ZNF8: variants seen among roughly 807,000 people sequenced by gnomAD.
The protein encoded by ZNF8 is zinc finger protein 272.
In ZNF8, 9 loss-of-function variants were observed where a neutral mutation model predicts 12.2. That is an observed-to-expected ratio of 0.73 (90% CI 0.44 to 1.28). The LOEUF is 1.28. ZNF8 is among the 50% of genes most tolerant of loss of function. The pLI, the probability that ZNF8 is intolerant of heterozygous loss-of-function variation, is 0.00. For synonymous variants in ZNF8, 274 were observed against 282.3 expected (o/e 0.97, Z 0.30); for missense variants, 664 against 729.1 (o/e 0.91, Z 1.03).
Position 58,294,279 on chromosome 19 carries a change from G to A in ZNF8, c.471G>A (p.Lys157=), listed in dbSNP as rs1372808342. 2.5e-6 allele frequency: 4 copies of A among 1,614,094 alleles called. No homozygotes were observed. The part of the protein sequence containing the change: ...SLALKEQNNL[K]QLEFGLKEAP... ...CACTCAAGGAGCAGAATAACTTGAA[G>A]CAGTTGGAATTTGGCCTCAAGGAAG... The change falls in exon 4 of 4, where the codon AAG becomes AAA. Residue 157 remains lysine, a synonymous_variant. Coordinates refer to ENST00000621650, the MANE Select transcript of ZNF8 (RefSeq NM_021089.3). This position sits in a 1 kb window ranked among gnomAD's most constrained non-coding sequence, Gnocchi z 5.5.
Position 58,288,114 on chromosome 19 carries a change from C to G in ZNF8, c.289+1909C>G, listed in dbSNP as rs138612452. Among the ~76,000 whole-genome samples the G allele has an allele frequency of 2.9e-3, 434 of 151,776 alleles. 4 individuals are homozygous for G. Among genetic ancestry groups the G allele is most frequent in the African/African-American group, 1.0e-2 (412 of 41,366 alleles). On this transcript the variant is annotated intron_variant, in intron 3 of 3. Coordinates refer to ENST00000621650, the MANE Select transcript of ZNF8 (RefSeq NM_021089.3). ...AGCTCAAACAGTCCTCCTGCCTCAG[C>G]CACTGAAAGTGCTGGGATTACAGGT...
At chr19:58,293,312 A>G (rs928315096) in intron 3 of ZNF8, among the ~76,000 whole-genome samples, 1 of 152,028 alleles carries the variant, frequency 6.6e-6, no homozygotes, top group Admixed American at 6.6e-5. Flanking sequence ...CTCCTCCATT[A>G]TCTCTCCCGT....
At position 58,297,417 on chromosome 19, in the gene ZNF8, C is replaced by CT. The variant is rs796979586; in HGVS notation, c.*1894dup. 7.3e-4 allele frequency: 74 copies of CT among 101,182 alleles called. No individual in the cohort carries two copies. The highest frequency in any genetic ancestry group is 0.011 in the Middle Eastern group (2 of 188). 6.3% of individuals were successfully genotyped at this position (101,182 alleles called of 1,614,324 possible). Reference sequence around the variant, plus strand: ...TTGATGTGAAATAAGGAAGATAATCCTTTTTTTTTTTTTGAGACAGAGTCT... The same window carrying CT: ...TTGATGTGAAATAAGGAAGATAATCCTTTTTTTTTTTTTTGAGACAGAGTCT... On this transcript the variant is annotated 3_prime_UTR_variant, in exon 4 of 4. Transcript: ENST00000621650.
rs1330512278 is a variant in ZNF8 at position 58,294,621 on chromosome 19, C to T, written c.813C>T (p.His271=). ...GGAAGTCGTTTAACCATAACGCACACCTCACCGTGCACAAGAGGATTCATA... is the reference window on the plus strand; with the variant it reads ...GGAAGTCGTTTAACCATAACGCACATCTCACCGTGCACAAGAGGATTCATA... The part of the protein sequence containing the change: ...DCGKSFNHNA[H]LTVHKRIHTG... The change falls in exon 4 of 4, where the codon CAC becomes CAT. Residue 271 remains histidine, a synonymous_variant. Transcript: ENST00000621650. This position sits in a 1 kb window ranked among gnomAD's most constrained non-coding sequence, Gnocchi z 5.5. The T allele has an allele frequency of 6.2e-7, 1 of 1,614,158 alleles. No individual in the cohort carries two copies. Among genetic ancestry groups the T allele is most frequent in the Non-Finnish European group, 8.5e-7 (1 of 1,180,036 alleles).
chr19:58,291,602 GC>G (rs1173012134), intron 3 of ZNF8, among the ~76,000 whole-genome samples: 1 of 152,174 alleles, frequency 6.6e-6, no homozygotes, highest in Non-Finnish European at 1.5e-5. Context: ...TGCTGTTTGT[GC>G]TGTGGATGCA....
chr19:58,294,003 G>T lies in ZNF8; in HGVS notation c.290-95G>T. On this transcript the variant is annotated intron_variant, in intron 3 of 3. Coordinates refer to ENST00000621650, the MANE Select transcript of ZNF8 (RefSeq NM_021089.3). The surrounding 1 kb of genome is among the most constrained non-coding windows in gnomAD (Gnocchi z 5.5). ...GGGACTTGCCAGGGCAGCTGGTTAG[G>T]ACCCCATTTCAATATCAGGCCTATG... The T allele has an allele frequency of 8.4e-7, 1 of 1,196,156 alleles. No individual in the cohort carries two copies. Among genetic ancestry groups the T allele is most frequent in the Non-Finnish European group, 1.2e-6 (1 of 846,770 alleles). The allele number at this position is 1,196,156 out of a possible 1,614,324, so 74.1% of individuals were successfully genotyped here.
In ZNF8 at chr19:58,295,658, A is replaced by T. The variant is rs182460811; in HGVS notation, c.*122A>T. 1 of 890,648 alleles carries T rather than the reference A, an allele frequency of 1.1e-6. No homozygotes were observed. The highest frequency in any genetic ancestry group is 2.5e-5 in the East Asian group (1 of 39,930). The allele number at this position is 890,648 out of a possible 1,614,324, so 55.2% of individuals were successfully genotyped here. On this transcript the variant is annotated 3_prime_UTR_variant, in exon 4 of 4. Coordinates refer to ENST00000621650, the MANE Select transcript of ZNF8 (RefSeq NM_021089.3). Reference sequence around the variant, plus strand: ...ATGGGTGACTTCTGACTTTCTAAGGAAATGATGCTTCCCAAGCACCCGAGG... The same window carrying T: ...ATGGGTGACTTCTGACTTTCTAAGGTAATGATGCTTCCCAAGCACCCGAGG...
In ZNF8 at chr19:58,300,417, C is replaced by T. The variant is rs1287021980; in HGVS notation, c.*4881C>T. 1 of 152,288 alleles carries T rather than the reference C, an allele frequency of 6.6e-6. No homozygotes were observed. Among genetic ancestry groups the T allele is most frequent in the Non-Finnish European group, 1.5e-5 (1 of 68,078 alleles). 9.4% of individuals were successfully genotyped at this position (152,288 alleles called of 1,614,324 possible). ...AGAAGGGGGAATGGGCAGGCCAACA[C>T]TTACCGCTGATGGTGTTTAAAGGAA... On this transcript the variant is annotated 3_prime_UTR_variant, in exon 4 of 4. Coordinates refer to ENST00000621650, the MANE Select transcript of ZNF8 (RefSeq NM_021089.3).
At position 58,294,434 on chromosome 19, in the gene ZNF8, A is replaced by G. The variant is rs373398941; in HGVS notation, c.626A>G (p.Asp209Gly). The G allele has an allele frequency of 9.9e-6, 16 of 1,613,976 alleles. No individual in the cohort carries two copies. Among genetic ancestry groups the G allele is most frequent in the Non-Finnish European group, 1.3e-5 (15 of 1,180,026 alleles). ...TATACTTACGACTCACAGATTACAG[A>G]CTCAGAACATAACTCCAGCTTAGTC... ...YLYTYDSQIT[D>G]SEHNSSLVSQ... Residue 209 changes from aspartate to glycine, a missense_variant, in exon 4 of 4, where the codon GAC becomes GGC. By Grantham distance (94) the Asp-to-Gly change is moderately conservative. Around this residue, in one of 3 missense-constraint regions of ZNF8, gnomAD observed 306 missense variants for 308.7 expected, o/e 0.99. Coordinates refer to ENST00000621650, the MANE Select transcript of ZNF8 (RefSeq NM_021089.3). This position sits in a 1 kb window ranked among gnomAD's most constrained non-coding sequence, Gnocchi z 5.5.
In ZNF8 at chr19:58,285,801, C is replaced by T. The variant is rs1220018399; in HGVS notation, c.151C>T (p.Arg51Cys). 7 of 1,614,002 alleles carry T rather than the reference C, an allele frequency of 4.3e-6. No individual in the cohort carries two copies. Among genetic ancestry groups the T allele is most frequent in the South Asian group, 1.1e-5 (1 of 91,064 alleles). ...QLDPTQRILY[R>C]DVMLETFGHL... The stretch of plus-strand genomic sequence containing the variant: ...GGACCCTACCCAGAGGATCCTCTAC[C>T]GTGACGTGATGCTGGAGACCTTTGG... The change falls in exon 2 of 4, where the codon CGT (arginine) becomes TGT (cysteine). Residue 51 changes from arginine to cysteine, a missense_variant. Physicochemically the swap from Arg to Cys is radical, Grantham distance 180. This residue lies in a region of ZNF8 where 306 missense variants were observed against 308.7 expected (regional missense o/e 0.99). Coordinates refer to ENST00000621650, the MANE Select transcript of ZNF8 (RefSeq NM_021089.3).
At chr19:58,287,057 T>G (rs2051387490) in intron 3 of ZNF8, among the ~76,000 whole-genome samples, 1 of 152,204 alleles carries the variant, frequency 6.6e-6, no homozygotes, top group South Asian at 2.1e-4. Flanking sequence ...GTTTTGTTTT[T>G]AAGACAGGGT....
chr19:58,290,313 A>T (rs1208375429), intron 3 of ZNF8, among the ~76,000 whole-genome samples: 1 of 147,300 alleles, frequency 6.8e-6, no homozygotes, highest in Non-Finnish European at 1.5e-5. Context: ...ACGGGGTTTC[A>T]CCGTGTTGGC....
At chr19:58,293,052 G>A (rs1407015330) in intron 3 of ZNF8, among the ~76,000 whole-genome samples, 1 of 151,916 alleles carries the variant, frequency 6.6e-6, no homozygotes, top group South Asian at 2.1e-4. Flanking sequence ...AGGTTCAAGC[G>A]ATTCTCATGC....
At chr19:58,285,582 A>T in intron 1 of ZNF8, 135 bp from the exon 2 acceptor site, 2 of 1,281,530 alleles carry the variant, frequency 1.6e-6, no homozygotes, top group Non-Finnish European at 2.2e-6. Context: ...GCCCAGTGAG[A>T]CCTGACTCCC....
chr19:58,293,301 G>A lies in ZNF8; in HGVS notation c.290-797G>A, dbSNP rs532707381. ...GAAGCCTGGCACCTGGCCAGCCTCA[G>A]CTCCTCCATTATCTCTCCCGTTGTC... On this transcript the variant is annotated intron_variant, in intron 3 of 3. Transcript: ENST00000621650. Among the ~76,000 whole-genome samples, 3 of 152,230 alleles carry A rather than the reference G, an allele frequency of 2.0e-5. No homozygotes were observed. The South Asian group carries it at 6.2e-4, about 32-fold the overall frequency.
chr19:58,294,820 G>A lies in ZNF8; in HGVS notation c.1012G>A (p.Glu338Lys), dbSNP rs2147961289. The change falls in exon 4 of 4, where the codon GAG becomes AAG. Residue 338 changes from glutamate (E) to lysine (K), a missense_variant. Physicochemically the swap from Glu to Lys is moderately conservative, Grantham distance 56. Coordinates refer to ENST00000621650, the MANE Select transcript of ZNF8 (RefSeq NM_021089.3). This position sits in a 1 kb window ranked among gnomAD's most constrained non-coding sequence, Gnocchi z 5.5. ...CGTCCATCGGAGGATTCACACTGGG[G>A]AGAAGCCCTATGAGTGTCAGGACTG... ...LTVHRRIHTGEKPYECQDCGR... is the reference protein window; with the variant it reads ...LTVHRRIHTGKKPYECQDCGR... 6.2e-7 allele frequency: 1 copy of A among 1,614,182 alleles called. No homozygotes were observed. The highest frequency in any genetic ancestry group is 2.2e-5 in the East Asian group (1 of 44,878).
Position 58,295,191 on chromosome 19 carries a change from C to T in ZNF8, c.1383C>T (p.His461=), listed in dbSNP as rs140020851. 1,828 of 1,614,166 alleles carry T rather than the reference C, an allele frequency of 1.1e-3. 7 individuals are homozygous for T. The highest frequency in any genetic ancestry group is 6.3e-3 in the East Asian group (282 of 44,884). The part of the protein sequence containing the change: ...DPPLSQDERT[H]RSDRPFKCNQ... ...CTTTGAGTCAAGATGAGAGGACTCACCGAAGCGACAGACCCTTCAAATGTA... is the reference window on the plus strand; with the variant it reads ...CTTTGAGTCAAGATGAGAGGACTCATCGAAGCGACAGACCCTTCAAATGTA... Residue 461 remains histidine (H), a synonymous_variant, in exon 4 of 4, where the codon CAC becomes CAT. Coordinates refer to ENST00000621650, the MANE Select transcript of ZNF8 (RefSeq NM_021089.3).
rs371237014 is a variant in ZNF8, at chr19:58,285,722, A to C, written c.72A>C (p.Pro24=). The change falls in exon 2 of 4, where the codon CCA becomes CCC. Residue 24 remains proline, a synonymous_variant. Transcript: ENST00000621650. ...VGPPAARLQE[P]VTFRDVAVDF... ...GAATGTGTGTGATGTTTCAGGAACC[A>C]GTGACCTTCCGGGATGTGGCTGTGG... 3.7e-6 allele frequency: 6 copies of C among 1,614,084 alleles called. No homozygotes were observed. In the African/African-American group the frequency reaches 8.0e-5, roughly 22 times the overall value.
Position 58,301,625 on chromosome 19 carries a change from G to A in ZNF8, c.*6089G>A, listed in dbSNP as rs1475016780. 1 of 152,374 alleles carries A rather than the reference G, an allele frequency of 6.6e-6. No homozygotes were observed. The highest frequency in any genetic ancestry group is 2.4e-5 in the African/African-American group (1 of 41,432). 9.4% of individuals were successfully genotyped at this position (152,374 alleles called of 1,614,324 possible). On this transcript the variant is annotated 3_prime_UTR_variant, in exon 4 of 4. Transcript: ENST00000621650. ...GTGATTGCCTCATTCCCTCCACCTT[G>A]GCCCCCAAAATGGCCAGTCCTGAAG...
Sources: gnomAD v4.1 joint callset for allele counts (sites outside exome capture counted in the v4.1 genomes callset) on GRCh38, gnomAD v4.1.1 for gene constraint, gnomAD v4.1.1 regional missense constraint, Gnocchi (gnomAD v3.1) non-coding constraint, MANE v1.5 for transcripts, NCBI Gene and HGNC (gene_info 2026-07-23, HGNC 2026-07-21) for gene names.